Variants in LINGO2 observed in about 807,000 individuals in gnomAD.
LINGO2 encodes the protein leucine rich repeat and Ig domain containing 2.
A neutral mutation model predicts 30.6 loss-of-function variants in LINGO2; 14 were observed. That is an observed-to-expected ratio of 0.46 (90% CI 0.30 to 0.72). The LOEUF (loss-of-function observed/expected upper bound fraction) is 0.72, where lower values mean the gene tolerates loss of function less well. Among genes scored for constraint, LINGO2 ranks in the 30% least tolerant of loss-of-function variants. LINGO2 has a pLI of 0.07. For synonymous variants in LINGO2, 317 were observed against 288.5 expected, an observed-to-expected ratio of 1.10 and a Z score of -1.00; for missense variants, 729 against 751.7, an observed-to-expected ratio of 0.97 and a Z score of 0.35.
exon 6 of LINGO2, chr9:27,949,179 A>G: frequency 6.2e-7 from 1 of 1,613,998 alleles, no homozygotes; most frequent in Non-Finnish European, 8.5e-7. Flanking sequence ...TTTCACAGTT[A>G]AGGAGGCTGT....
At chr9:28,914,662 A>G in the LINGO2 span, among the ~76,000 whole-genome samples, 2 of 152,064 alleles carry the variant, frequency 1.3e-5, no homozygotes, top group Non-Finnish European at 2.9e-5. Flanking sequence ...CAGAGGGCCA[A>G]TTTTTCATAT....
the LINGO2 span, among the ~76,000 whole-genome samples, chr9:28,799,321 C>T: frequency 2.6e-5 from 4 of 151,890 alleles, no homozygotes; most frequent in Non-Finnish European, 4.4e-5. Flanking sequence ...AAGTTGGGTG[C>T]TTTTTGAGCA....
intron 1 of LINGO2, among the ~76,000 whole-genome samples, chr9:28,521,023 A>G (rs1398057527): frequency 6.6e-6 from 1 of 152,132 alleles, no homozygotes; most frequent in African/African-American, 2.4e-5. Flanking sequence ...AATCCCTACA[A>G]TTAAACTCCT....
the LINGO2 span, among the ~76,000 whole-genome samples, chr9:28,896,580 T>TAC: frequency 6.6e-6 from 1 of 152,166 alleles, no homozygotes; most frequent in Non-Finnish European, 1.5e-5. Context: ...TAGCTCTTTG[T>TAC]ACTCAAATGC....
chr9:28,830,367 T>C, the LINGO2 span, among the ~76,000 whole-genome samples: 1 of 152,116 alleles, frequency 6.6e-6, no homozygotes, highest in Non-Finnish European at 1.5e-5. Context: ...TTTGTCAAAA[T>C]TGATTGTCCA....
chr9:27,956,274 G>T (rs1285134679), intron 5 of LINGO2, among the ~76,000 whole-genome samples: 1 of 151,994 alleles, frequency 6.6e-6, no homozygotes, highest in Admixed American at 6.6e-5. Context: ...ATTCTTGTGG[G>T]ACTATATTAT....
chr9:28,158,438 G>A (rs996442559), intron 4 of LINGO2, among the ~76,000 whole-genome samples: 2 of 152,206 alleles, frequency 1.3e-5, no homozygotes, highest in Non-Finnish European at 2.9e-5. Context: ...GAAGGTCAGA[G>A]AAAGGTGGGC....
intron 4 of LINGO2, among the ~76,000 whole-genome samples, chr9:28,265,533 A>C (rs1822718330): frequency 6.6e-6 from 1 of 152,016 alleles, no homozygotes; most frequent in African/African-American, 2.4e-5. Context: ...AATGTACTGT[A>C]TTTATGTAAG....
intron 4 of LINGO2, among the ~76,000 whole-genome samples, chr9:28,137,170 T>A (rs1827541091): frequency 6.9e-6 from 1 of 143,916 alleles, no homozygotes; most frequent in Non-Finnish European, 1.5e-5. Context: ...AATATTTTTA[T>A]ATATTCATAC....
chr9:28,736,560 G>A, the LINGO2 span, among the ~76,000 whole-genome samples: 1 of 152,110 alleles, frequency 6.6e-6, no homozygotes, highest in African/African-American at 2.4e-5. Flanking sequence ...GGAGGTCGAG[G>A]CAGGCTGATC....
chr9:28,174,227 G>T (rs1368252150), intron 4 of LINGO2, among the ~76,000 whole-genome samples: 1 of 152,180 alleles, frequency 6.6e-6, no homozygotes, highest in African/African-American at 2.4e-5. Flanking sequence ...AATCCACTCA[G>T]AATTATAAGC....
At chr9:29,021,212 T>C in the LINGO2 span, among the ~76,000 whole-genome samples, 1 of 152,126 alleles carries the variant, frequency 6.6e-6, no homozygotes, top group Non-Finnish European at 1.5e-5. Flanking sequence ...CAGTTTTTCC[T>C]TGATCAGATG....
the LINGO2 span, among the ~76,000 whole-genome samples, chr9:28,887,689 T>C: frequency 6.6e-6 from 1 of 151,990 alleles, no homozygotes; most frequent in Non-Finnish European, 1.5e-5. Context: ...GGTTTAGATG[T>C]GGGGCAAAAA....
At chr9:27,985,889 CTTG>C (rs1821101208) in intron 5 of LINGO2, among the ~76,000 whole-genome samples, 1 of 151,780 alleles carries the variant, frequency 6.6e-6, no homozygotes, top group East Asian at 1.9e-4. Flanking sequence ...TCAAACGGAA[CTTG>C]TTATTTTGTC....
At chr9:27,955,305 T>C (rs577014805) in intron 5 of LINGO2, among the ~76,000 whole-genome samples, 25 of 152,218 alleles carry the variant, frequency 1.6e-4, no homozygotes, top group Admixed American at 1.2e-3. Flanking sequence ...ATTGTGATCA[T>C]TATTTGCCAC....
At chr9:29,101,652 G>A in the LINGO2 span, among the ~76,000 whole-genome samples, 2 of 152,106 alleles carry the variant, frequency 1.3e-5, no homozygotes, top group Non-Finnish European at 2.9e-5. Context: ...ACAGATAAGT[G>A]AGAATATGTG....
downstream of LINGO2, among the ~76,000 whole-genome samples, chr9:27,945,901 C>T (rs1303538987): frequency 6.6e-6 from 1 of 152,198 alleles, no homozygotes; most frequent in East Asian, 1.9e-4. Flanking sequence ...CAAAAAGTAG[C>T]CAATTCCCCT....
At chr9:28,792,645 T>G in the LINGO2 span, among the ~76,000 whole-genome samples, 1 of 152,264 alleles carries the variant, frequency 6.6e-6, no homozygotes, top group East Asian at 1.9e-4. Flanking sequence ...TATAAATATG[T>G]GACAATAATT....
chr9:28,639,043 GA>G (rs1827433595), intron 1 of LINGO2, among the ~76,000 whole-genome samples: 1 of 152,072 alleles, frequency 6.6e-6, no homozygotes, highest in Non-Finnish European at 1.5e-5. Context: ...TGGTTTCAAA[GA>G]ACATCTTTAT....
Sources: allele counts gnomAD v4.1 joint callset (sites outside exome capture counted in the v4.1 genomes callset), GRCh38; gene constraint gnomAD v4.1.1; transcripts MANE v1.5; gene names NCBI Gene and HGNC (gene_info 2026-07-23, HGNC 2026-07-21).